The following NAALADL2 variants were observed in gnomAD, a reference collection of about 807,000 sequenced individuals.
The protein encoded by NAALADL2 is N-acetylated alpha-linked acidic dipeptidase like 2.
In NAALADL2, 76 loss-of-function variants were observed where a neutral mutation model predicts 87.2. The ratio of observed to expected loss-of-function variants is 0.87; its 90% CI spans 0.72 to 1.05. The LOEUF (loss-of-function observed/expected upper bound fraction) is 1.05, where lower values mean the gene tolerates loss of function less well. NAALADL2 is among the 50% of genes least tolerant of loss of function. NAALADL2 has a pLI of 0.00. For missense variants in NAALADL2, 1,089 were observed against 945.8 expected (o/e 1.15, Z -1.99); for synonymous variants, 354 against 331.0 (o/e 1.07, Z -0.75).
chr3:175,096,226 A>G (rs920331276), intron 1 of NAALADL2, among the ~76,000 whole-genome samples: 3 of 152,090 alleles, frequency 2.0e-5, no homozygotes, highest in Non-Finnish European at 4.4e-5. Context: ...TGCTTCTTGT[A>G]GAATTCATAC....
chr3:175,360,346 A>G (rs1345290613), intron 5 of NAALADL2, among the ~76,000 whole-genome samples: 2 of 152,150 alleles, frequency 1.3e-5, no homozygotes, highest in Admixed American at 1.3e-4. Context: ...CTACAAATAT[A>G]TCAGATGTTC....
chr3:175,003,319 A>G (rs893571337), intron 1 of NAALADL2, among the ~76,000 whole-genome samples: 4 of 152,172 alleles, frequency 2.6e-5, no homozygotes, highest in African/African-American at 9.7e-5. Flanking sequence ...GGAGTTCGAG[A>G]CCTGCCTGAG....
intron 4 of NAALADL2, among the ~76,000 whole-genome samples, chr3:175,261,130 T>A (rs755661741): frequency 6.6e-6 from 1 of 152,156 alleles, no homozygotes; most frequent in Non-Finnish European, 1.5e-5. Context: ...AACAGTTTAT[T>A]TTTTGGGAGA....
intron 4 of NAALADL2, among the ~76,000 whole-genome samples, chr3:175,281,950 TC>T (rs1754363105): frequency 6.6e-6 from 1 of 151,978 alleles, no homozygotes; most frequent in Non-Finnish European, 1.5e-5. Context: ...TATTTAAAAT[TC>T]AACTGTTCTC....
rs113295218 is a variant in NAALADL2 at position 174,743,786 on chromosome 3, G to A, written c.-9+6040G>A. On this transcript the variant is annotated intron_variant, in intron 3 of 3. Coordinates refer to the NAALADL2 transcript ENST00000434257. Reference sequence around the variant, plus strand: ...CAGTAATAATAATAACCATCTTACAGGCATAAGTCTAAAGAACATATTTTT... The same window carrying A: ...CAGTAATAATAATAACCATCTTACAAGCATAAGTCTAAAGAACATATTTTT... Among the ~76,000 whole-genome samples the A allele has an allele frequency of 1.2e-4, 18 of 151,638 alleles. 1 individual carries two copies. The highest frequency in any genetic ancestry group is 4.3e-4 in the African/African-American group (18 of 41,416).
chr3:175,717,228 G>A (rs1236781443), intron 11 of NAALADL2, among the ~76,000 whole-genome samples: 1 of 152,230 alleles, frequency 6.6e-6, no homozygotes, highest in Admixed American at 6.5e-5. Flanking sequence ...GTGAGGCATG[G>A]CGCAGCCACA....
chr3:175,652,051 A>C (rs772070384), intron 11 of NAALADL2, among the ~76,000 whole-genome samples: 3 of 152,240 alleles, frequency 2.0e-5, no homozygotes, highest in African/African-American at 7.2e-5. Context: ...GATACTGTAC[A>C]TCAAATTTCT....
chr3:174,642,809 G>A (rs1723384692), intron 2 of NAALADL2, among the ~76,000 whole-genome samples: 1 of 131,514 alleles, frequency 7.6e-6, no homozygotes, highest in African/African-American at 2.8e-5. Flanking sequence ...CATGAAACTG[G>A]ATCTCACTCT....
chr3:174,604,808 G>T (rs929834786), intron 2 of NAALADL2, among the ~76,000 whole-genome samples: 2 of 145,238 alleles, frequency 1.4e-5, no homozygotes, highest in African/African-American at 2.6e-5. Context: ...TCACTCTGTT[G>T]CCCAGGCTGG....
At chr3:175,475,415 T>C (rs932125618) in intron 9 of NAALADL2, among the ~76,000 whole-genome samples, 25 of 152,198 alleles carry the variant, frequency 1.6e-4, no homozygotes, top group Admixed American at 6.6e-4. Context: ...GCTGTTCTGC[T>C]CTTAGTTTTC....
intron 5 of NAALADL2, among the ~76,000 whole-genome samples, chr3:175,368,596 T>TGTG (rs397838105): frequency 1.7e-4 from 26 of 151,692 alleles, no homozygotes; most frequent in East Asian, 1.6e-3. Flanking sequence ...TGTGTGTGTG[T>TGTG]TTATAGCCAG....
At chr3:175,159,472 C>T (rs575486383) in intron 2 of NAALADL2, among the ~76,000 whole-genome samples, 114 of 152,248 alleles carry the variant, frequency 7.5e-4, no homozygotes, top group African/African-American at 2.6e-3. Flanking sequence ...ACACACATAT[C>T]ATAATATACA....
At chr3:175,661,353 C>A (rs543609238) in intron 11 of NAALADL2, among the ~76,000 whole-genome samples, 1 of 143,460 alleles carries the variant, frequency 7.0e-6, no homozygotes, top group Non-Finnish European at 1.5e-5. Context: ...TTAAATCAGA[C>A]TTTTTTTTTT....
intron 1 of NAALADL2, among the ~76,000 whole-genome samples, chr3:174,473,787 T>G (rs1717050227): frequency 6.6e-6 from 1 of 152,172 alleles, no homozygotes; most frequent in South Asian, 2.1e-4. Flanking sequence ...TGAAGAATGT[T>G]TTCCTGATAA....
intron 1 of NAALADL2, among the ~76,000 whole-genome samples, chr3:174,949,148 A>G (rs1047267966): frequency 1.3e-5 from 2 of 152,074 alleles, no homozygotes; most frequent in African/African-American, 2.4e-5. Context: ...CAAAGATCCT[A>G]CCTCCTACTA....
chr3:174,729,251 G>A (rs1474444865), intron 2 of NAALADL2, among the ~76,000 whole-genome samples: 8 of 151,982 alleles, frequency 5.3e-5, no homozygotes, highest in Admixed American at 5.3e-4. Flanking sequence ...CACCATTACT[G>A]AGGCTTACTA....
intron 9 of NAALADL2, among the ~76,000 whole-genome samples, chr3:175,472,691 T>G (rs2149296173): frequency 6.6e-6 from 1 of 152,298 alleles, no homozygotes. Flanking sequence ...TATTTTTAGC[T>G]TAATAGTTTT....
chr3:174,934,602 G>A (rs1420906157), intron 1 of NAALADL2, among the ~76,000 whole-genome samples: 1 of 151,832 alleles, frequency 6.6e-6, no homozygotes, highest in Non-Finnish European at 1.5e-5. Flanking sequence ...GCTTTAGCTC[G>A]GGAGTTTGAG....
chr3:175,648,340 ATATATTGTATATAAAATT>A (rs1283210846), intron 11 of NAALADL2, among the ~76,000 whole-genome samples: 1 of 151,800 alleles, frequency 6.6e-6, no homozygotes, highest in Non-Finnish European at 1.5e-5. Context: ...AAGTTAAATA[ATATATTGTATATAAAATT>A]TATGGTGTAA....
Sources: allele counts gnomAD v4.1 joint callset (sites outside exome capture counted in the v4.1 genomes callset), GRCh38; gene constraint gnomAD v4.1.1; transcripts MANE v1.5; gene names NCBI Gene and HGNC (gene_info 2026-07-23, HGNC 2026-07-21).